SHROOM4: variants seen among roughly 807,000 people sequenced by gnomAD.
The protein encoded by SHROOM4 is protein Shroom4.
In SHROOM4, 17 loss-of-function variants were observed where a neutral mutation model predicts 80.3. The observed-to-expected ratio is 0.21, with a 90% CI of 0.14 to 0.32. The LOEUF is 0.32. Ranked by LOEUF, SHROOM4 falls within the 10% of genes least tolerant of loss-of-function variation. The pLI is 1.00. For synonymous variants in SHROOM4, 400 were observed against 437.5 expected, an observed-to-expected ratio of 0.91 and a Z score of 1.07; for missense variants, 993 against 1,140.3, an observed-to-expected ratio of 0.87 and a Z score of 1.86.
In SHROOM4 at chrX:50,592,797, G is replaced by T. The variant is rs1406350665; in HGVS notation, c.*3898C>A. ...AGTCTAGAAAGAATGGCTTACCTTC[G>T]ATCAGGCTAGACTCCAGAACTAGAC... On this transcript the variant is annotated 3_prime_UTR_variant, in exon 9 of 9. Coordinates refer to ENST00000376020, the MANE Select transcript of SHROOM4 (RefSeq NM_020717.5). 3.4e-5 allele frequency: 4 copies of T among 116,464 alleles called. No individual in the cohort carries two copies. Among genetic ancestry groups the T allele is most frequent in the Non-Finnish European group, 7.1e-5 (4 of 55,966 alleles). 9.6% of individuals were successfully genotyped at this position (116,464 alleles called of 1,213,427 possible).
At chrX:50,685,521 T>C (rs1422818619) in intron 2 of SHROOM4, among the ~76,000 whole-genome samples, 3 of 112,107 alleles carry the variant, frequency 2.7e-5, no homozygotes, top group Non-Finnish European at 5.6e-5. Context: ...AATCACAAAC[T>C]TACTTTAGGT....
chrX:50,596,751 C>T lies in SHROOM4; in HGVS notation c.4426G>A (p.Glu1476Lys). 3.3e-6 allele frequency: 4 copies of T among 1,211,849 alleles called. No individual in the cohort carries two copies. Among genetic ancestry groups the T allele is most frequent in the Non-Finnish European group, 4.5e-6 (4 of 895,561 alleles). Residue 1476 changes from glutamate to lysine, a missense_variant, in exon 9 of 9, where the codon GAA becomes AAA. By Grantham distance (56) the Glu-to-Lys change is moderately conservative. Transcript: ENST00000376020. ...RELEEKIKLG[E>K]EQLKCLRESL... is the part of the protein sequence containing the mutation. ...TCCCTGAGACATTTGAGTTGCTCTT[C>T]CCCGAGCTTGATCTTCTCCTCCAGC...
At chrX:50,630,978 T>C (rs1446557147) in intron 4 of SHROOM4, among the ~76,000 whole-genome samples, 1 of 111,681 alleles carries the variant, frequency 9.0e-6, no homozygotes, top group Non-Finnish European at 1.9e-5. Context: ...AGGAAGACAT[T>C]TTATACAAAC....
chrX:50,729,869 TCAAC>T (rs1557266166), intron 1 of SHROOM4, among the ~76,000 whole-genome samples: 1 of 110,743 alleles, frequency 9.0e-6, no homozygotes, highest in African/African-American at 3.3e-5. Context: ...AAAAAATACA[TCAAC>T]CAAGTATCAT....
chrX:50,727,752 G>A (rs375544886), intron 1 of SHROOM4, among the ~76,000 whole-genome samples: 86 of 111,977 alleles, frequency 7.7e-4, no homozygotes, highest in South Asian at 2.3e-3. Context: ...ACAGTCTCAG[G>A]TAGTTCTTTA....
At chrX:50,754,787 A>G (rs1050335350) in intron 1 of SHROOM4, among the ~76,000 whole-genome samples, 6 of 111,896 alleles carry the variant, frequency 5.4e-5, no homozygotes, top group African/African-American at 1.9e-4. Context: ...CAGGAAGCAA[A>G]CAATATCCAC....
intron 4 of SHROOM4, among the ~76,000 whole-genome samples, chrX:50,630,370 G>A (rs1291981712): frequency 9.0e-5 from 10 of 110,499 alleles, no homozygotes; most frequent in African/African-American, 3.3e-4. Flanking sequence ...TTACAATCTG[G>A]CAGTCACTGC....
chrX:50,796,012 T>C (rs1276142968), intron 1 of SHROOM4, among the ~76,000 whole-genome samples: 1 of 112,005 alleles, frequency 8.9e-6, no homozygotes, highest in Non-Finnish European at 1.9e-5. Flanking sequence ...AGGAGCCATA[T>C]TTCTGGAGAA....
chrX:50,766,338 C>T (rs1164213550), intron 1 of SHROOM4, among the ~76,000 whole-genome samples: 4 of 110,623 alleles, frequency 3.6e-5, no homozygotes, highest in Non-Finnish European at 7.6e-5. Context: ...AGAGGGCGAA[C>T]AAGAGACAGA....
chrX:50,654,730 T>A (rs782417484), intron 2 of SHROOM4, among the ~76,000 whole-genome samples: 1 of 110,350 alleles, frequency 9.1e-6, no homozygotes, highest in African/African-American at 3.3e-5. Flanking sequence ...ACCACCATTC[T>A]ACCCTCTGCT....
chrX:50,728,886 A>G (rs1167553864), intron 1 of SHROOM4, among the ~76,000 whole-genome samples: 1 of 111,476 alleles, frequency 9.0e-6, no homozygotes, highest in African/African-American at 3.3e-5. Flanking sequence ...ACAGGATAAA[A>G]AATAAGAACA....
At chrX:50,680,244 C>A (rs1557261679) in intron 2 of SHROOM4, among the ~76,000 whole-genome samples, 1 of 111,563 alleles carries the variant, frequency 9.0e-6, no homozygotes, top group Admixed American at 9.5e-5. Context: ...TCTTTGCTGC[C>A]TACACTTAAA....
chrX:50,749,763 T>C (rs1290737333), intron 1 of SHROOM4, among the ~76,000 whole-genome samples: 3 of 111,917 alleles, frequency 2.7e-5, no homozygotes, highest in Non-Finnish European at 5.6e-5. Context: ...ATAAGATGTA[T>C]GAGAAAGTGG....
intron 1 of SHROOM4, among the ~76,000 whole-genome samples, chrX:50,755,086 C>A (rs1222309942): frequency 8.9e-6 from 1 of 112,308 alleles, no homozygotes; most frequent in Non-Finnish European, 1.9e-5. Flanking sequence ...TTTCTTCCCA[C>A]ATTCCTTCCA....
intron 1 of SHROOM4, among the ~76,000 whole-genome samples, chrX:50,724,813 A>T (rs1934209681): frequency 8.9e-6 from 1 of 111,847 alleles, no homozygotes; most frequent in Admixed American, 9.5e-5. Flanking sequence ...TCTTTTAAAG[A>T]ACAAAAGTTT....
chrX:50,616,237 T>C (rs1369865883), intron 5 of SHROOM4, among the ~76,000 whole-genome samples: 3 of 112,026 alleles, frequency 2.7e-5, no homozygotes, highest in Non-Finnish European at 5.6e-5. Flanking sequence ...AGTTCCCTTT[T>C]TCTTCATTCT....
intron 1 of SHROOM4, among the ~76,000 whole-genome samples, chrX:50,813,007 C>T: frequency 8.9e-6 from 1 of 111,851 alleles, no homozygotes; most frequent in African/African-American, 3.2e-5. Flanking sequence ...CTGCCCCTAC[C>T]CCTCGCCCTC....
At chrX:50,610,141 T>C (rs782381840) in intron 5 of SHROOM4, among the ~76,000 whole-genome samples, 49 of 111,465 alleles carry the variant, frequency 4.4e-4, no homozygotes, top group African/African-American at 1.6e-3. Flanking sequence ...ATAGCCAAAT[T>C]CAGACAGAAT....
intron 1 of SHROOM4, among the ~76,000 whole-genome samples, chrX:50,778,683 C>T (rs1935562193): frequency 8.9e-6 from 1 of 112,339 alleles, no homozygotes; most frequent in Admixed American, 9.4e-5. Context: ...TTAAATCTTC[C>T]TCTTCCTTTG....
Sources: gnomAD v4.1 joint callset for allele counts (sites outside exome capture counted in the v4.1 genomes callset) on GRCh38, gnomAD v4.1.1 for gene constraint, MANE v1.5 for transcripts, NCBI Gene and HGNC (gene_info 2026-07-23, HGNC 2026-07-21) for gene names.